Variants in CDH18 observed in about 807,000 individuals in gnomAD.
CDH18 encodes cadherin 18, also known as cadherin-18.
CDH18 carries 31 observed loss-of-function variants against 67.9 expected under a neutral mutation model. The ratio of observed to expected loss-of-function variants is 0.46; its 90% CI spans 0.34 to 0.62. The LOEUF (loss-of-function observed/expected upper bound fraction) is 0.62, where lower values mean the gene tolerates loss of function less well. CDH18 is among the 20% of genes least tolerant of loss of function. The pLI is 0.01. For synonymous variants in CDH18, 362 were observed against 347.2 expected (o/e 1.04, Z -0.48); for missense variants, 890 against 975.5 (o/e 0.91, Z 1.17).
intron 7 of CDH18, among the ~76,000 whole-genome samples, chr5:19,585,700 A>G (rs1744034807): frequency 6.6e-6 from 1 of 152,106 alleles, no homozygotes; most frequent in Non-Finnish European, 1.5e-5. Context: ...AAATTAAAAC[A>G]TTTATTTCAT....
intron 1 of CDH18, among the ~76,000 whole-genome samples, chr5:20,572,543 C>G (rs1218053463): frequency 6.6e-6 from 1 of 151,980 alleles, no homozygotes. Context: ...ATCTCATTTA[C>G]CTGTGAAAAT....
intron 1 of CDH18, among the ~76,000 whole-genome samples, chr5:20,330,889 G>C (rs145080510): frequency 2.3e-4 from 35 of 152,190 alleles, no homozygotes; most frequent in African/African-American, 8.4e-4. Flanking sequence ...ACTTTCACTC[G>C]TGCTTGAAAA....
At chr5:20,566,560 G>A (rs2471120) in intron 1 of CDH18, among the ~76,000 whole-genome samples, 93,835 of 131,310 alleles carry the variant, frequency 0.71, 34,243 homozygotes, top group African/African-American at 0.85. Flanking sequence ...TATTTTTAGT[G>A]GAGACAGGGT....
chr5:19,909,860 T>G (rs1195475487), intron 2 of CDH18, among the ~76,000 whole-genome samples: 1 of 152,216 alleles, frequency 6.6e-6, no homozygotes, highest in Non-Finnish European at 1.5e-5. Context: ...TGATGATTAC[T>G]GGTGCTTTCC....
At chr5:20,062,858 G>A (rs950895910) in intron 2 of CDH18, among the ~76,000 whole-genome samples, 2 of 152,156 alleles carry the variant, frequency 1.3e-5, no homozygotes, top group Non-Finnish European at 2.9e-5. Flanking sequence ...GAACATTCCA[G>A]AAGGAAATGC....
chr5:20,200,588 T>G (rs769905013), intron 2 of CDH18, among the ~76,000 whole-genome samples: 1 of 151,984 alleles, frequency 6.6e-6, no homozygotes, highest in Non-Finnish European at 1.5e-5. Context: ...AGGTAAAGGA[T>G]AGCTTGAGCC....
chr5:19,889,052 T>C (rs1443977401), intron 2 of CDH18, among the ~76,000 whole-genome samples: 1 of 152,110 alleles, frequency 6.6e-6, no homozygotes, highest in African/African-American at 2.4e-5. Context: ...ATACTTCAAA[T>C]CATCATTAGA....
At chr5:20,107,915 CT>C (rs1747110428) in intron 2 of CDH18, among the ~76,000 whole-genome samples, 1 of 127,728 alleles carries the variant, frequency 7.8e-6, no homozygotes, top group East Asian at 2.8e-4. Context: ...TCCCTCCCCC[CT>C]CCCCCTTTCT....
intron 2 of CDH18, among the ~76,000 whole-genome samples, chr5:19,884,521 A>G (rs1277430374): frequency 2.6e-5 from 4 of 152,136 alleles, no homozygotes; most frequent in African/African-American, 9.6e-5. Context: ...TAAAAAATAC[A>G]TAAGTCATCC....
Position 19,590,297 on chromosome 5 carries a change from G to T in CDH18, c.999+760C>A, listed in dbSNP as rs1035467402. On this transcript the variant is annotated intron_variant, in intron 7 of 12. Transcript: ENST00000382275. ...AGACATTGATATTTTATATGTACCAGTGGTGATTATTGTTCTCTAAGTGTT... is the reference window on the plus strand; with the variant it reads ...AGACATTGATATTTTATATGTACCATTGGTGATTATTGTTCTCTAAGTGTT... Among the ~76,000 whole-genome samples the T allele has an allele frequency of 2.0e-5, 3 of 152,152 alleles. No individual in the cohort carries two copies. The South Asian group carries it at 6.2e-4, about 32-fold the overall frequency.
chr5:20,421,400 G>A (rs757498651), intron 1 of CDH18, among the ~76,000 whole-genome samples: 8 of 150,278 alleles, frequency 5.3e-5, no homozygotes, highest in Non-Finnish European at 1.0e-4. Flanking sequence ...ATGGAGGGAA[G>A]CCTGAGAAAA....
At chr5:20,338,688 G>A (rs1739992779) in intron 1 of CDH18, among the ~76,000 whole-genome samples, 1 of 152,178 alleles carries the variant, frequency 6.6e-6, no homozygotes, top group Non-Finnish European at 1.5e-5. Context: ...TATGTTTGGA[G>A]GTTAATCATT....
chr5:19,965,924 C>A (rs1797392695), intron 2 of CDH18, among the ~76,000 whole-genome samples: 1 of 152,090 alleles, frequency 6.6e-6, no homozygotes, highest in Non-Finnish European at 1.5e-5. Flanking sequence ...AGTGTGCATG[C>A]AGTACAACAG....
At chr5:20,352,852 G>T (rs1320686419) in intron 1 of CDH18, among the ~76,000 whole-genome samples, 3 of 151,762 alleles carry the variant, frequency 2.0e-5, no homozygotes, top group Non-Finnish European at 4.4e-5. Context: ...ACACTGATGT[G>T]ATTTATACTT....
chr5:19,548,839 C>T (rs1276150694), intron 8 of CDH18, among the ~76,000 whole-genome samples: 1 of 151,322 alleles, frequency 6.6e-6, no homozygotes, highest in East Asian at 1.9e-4. Context: ...CAACCTCTGC[C>T]TCCCGGGTTC....
At chr5:19,575,493 G>GT (rs1742171713) in intron 7 of CDH18, among the ~76,000 whole-genome samples, 1 of 152,092 alleles carries the variant, frequency 6.6e-6, no homozygotes, top group African/African-American at 2.4e-5. Flanking sequence ...ATTTCATATG[G>GT]TTCAGTCTAG....
In CDH18 at chr5:20,334,753, TACACACACACAC is replaced by T. The variant is rs35282241; in HGVS notation, c.-579-79260_-579-79249del. On this transcript the variant is annotated intron_variant, in intron 1 of 14. Transcript: ENST00000507958. ...GATCTCTCTCTCTCTCTCTCTCTCA[TACACACACACAC>T]ACACACACACACACACACACACACA... 6.5e-5 allele frequency among the ~76,000 whole-genome samples: 9 copies of T among 138,346 alleles called. No homozygotes were observed. In the South Asian group the frequency reaches 7.4e-4, roughly 11 times the overall value. 90.8% of individuals were successfully genotyped at this position (138,346 alleles called of 152,430 possible). A position where few individuals can be genotyped will look rare whatever the true frequency, so the allele number is the denominator to read the frequency against.
At chr5:20,547,981 A>G (rs975867426) in intron 1 of CDH18, among the ~76,000 whole-genome samples, 1 of 151,910 alleles carries the variant, frequency 6.6e-6, no homozygotes, top group Non-Finnish European at 1.5e-5. Flanking sequence ...GAATATGTTG[A>G]TACTGCAAAA....
intron 1 of CDH18, among the ~76,000 whole-genome samples, chr5:20,354,702 G>A (rs552020484): frequency 2.0e-5 from 3 of 152,094 alleles, no homozygotes; most frequent in Non-Finnish European, 2.9e-5. Flanking sequence ...GTGAACCACC[G>A]TGCCTGTCTC....
Sources: gnomAD v4.1 joint callset for allele counts (sites outside exome capture counted in the v4.1 genomes callset) on GRCh38, gnomAD v4.1.1 for gene constraint, MANE v1.5 for transcripts, NCBI Gene and HGNC (gene_info 2026-07-23, HGNC 2026-07-21) for gene names.